CLVS1: variants seen among roughly 807,000 people sequenced by gnomAD.
The protein encoded by CLVS1 is clavesin 1, also known as clavesin-1.
In CLVS1, 10 loss-of-function variants were observed where a neutral mutation model predicts 33.1. The observed-to-expected ratio is 0.30, with a 90% CI of 0.19 to 0.51. The LOEUF is 0.51. Among genes scored for constraint, CLVS1 ranks in the 20% least tolerant of loss-of-function variants. The probability of loss-of-function intolerance (pLI) is 0.97; values close to 1 mark genes in which losing one functional copy is unlikely to be tolerated. For synonymous variants in CLVS1, 163 were observed against 166.1 expected (o/e 0.98, Z 0.14); for missense variants, 343 against 433.4 (o/e 0.79, Z 1.85).
chr8:61,222,583 CT>C (rs1266937575), intron 2 of CLVS1, among the ~76,000 whole-genome samples: 1 of 152,102 alleles, frequency 6.6e-6, no homozygotes, highest in Non-Finnish European at 1.5e-5. Context: ...GCTGAGGCGT[CT>C]TTTACTTCCA....
intron 1 of CLVS1, among the ~76,000 whole-genome samples, chr8:61,116,379 A>G (rs1254569404): frequency 6.6e-6 from 1 of 152,082 alleles, no homozygotes; most frequent in Admixed American, 6.5e-5. Flanking sequence ...GTTTAATTAG[A>G]TCCCATTTGT....
intron 1 of CLVS1, among the ~76,000 whole-genome samples, chr8:61,086,647 T>C (rs1358889310): frequency 6.6e-6 from 1 of 152,210 alleles, no homozygotes. Context: ...TACCCAAATA[T>C]AACATTTATT....
At chr8:61,237,948 C>G (rs573371138) in intron 2 of CLVS1, among the ~76,000 whole-genome samples, 35 of 152,200 alleles carry the variant, frequency 2.3e-4, no homozygotes, top group Middle Eastern at 3.4e-3. Flanking sequence ...TGGGAGAGGG[C>G]AGAACTGTGA....
chr8:61,232,023 G>GTTTGTTTGTTTGTTTGTTTT lies in CLVS1; in HGVS notation c.-151-67651_-151-67650insGTTTGTTTGTTTGTTTTTTT. 1.3e-3 allele frequency among the ~76,000 whole-genome samples: 79 copies of GTTTGTTTGTTTGTTTGTTTT among 62,650 alleles called. 9 individuals carry two copies. The highest frequency in any genetic ancestry group is 3.2e-3 in the African/African-American group (68 of 21,114). 41.1% of individuals were successfully genotyped at this position (62,650 alleles called of 152,430 possible). ...AGAAGGAGCCCTGAGGAAAGTTGTG[G>GTTTGTTTGTTTGTTTGTTTT]TTTTTTTTTTTTTTTTTTTTTTTTT... On this transcript the variant is annotated intron_variant, in intron 2 of 2. Coordinates refer to the CLVS1 transcript ENST00000522621.
chr8:61,093,405 G>A (rs535994229), intron 1 of CLVS1, among the ~76,000 whole-genome samples: 1 of 152,294 alleles, frequency 6.6e-6, no homozygotes, highest in African/African-American at 2.4e-5. Flanking sequence ...CAAGTGAGGT[G>A]AGTGTGGGGG....
At chr8:61,488,255 C>T (rs1174899493) in intron 5 of CLVS1, among the ~76,000 whole-genome samples, 1 of 152,206 alleles carries the variant, frequency 6.6e-6, no homozygotes, top group African/African-American at 2.4e-5. Flanking sequence ...AACCTATACG[C>T]ATAGAATTTT....
intron 2 of CLVS1, among the ~76,000 whole-genome samples, chr8:61,233,104 C>T (rs1808480496): frequency 6.6e-6 from 1 of 152,168 alleles, no homozygotes; most frequent in Non-Finnish European, 1.5e-5. Context: ...GGCATATGAA[C>T]ATTTGACAGT....
At chr8:61,146,314 T>A (rs545364714) in intron 2 of CLVS1, among the ~76,000 whole-genome samples, 153 of 152,356 alleles carry the variant, frequency 1.0e-3, no homozygotes, top group African/African-American at 3.5e-3. Context: ...ATATTCCAAG[T>A]TTAACCCCTA....
At chr8:61,212,158 T>C (rs187145765) in intron 2 of CLVS1, among the ~76,000 whole-genome samples, 1 of 152,214 alleles carries the variant, frequency 6.6e-6, no homozygotes, top group Non-Finnish European at 1.5e-5. Context: ...CAGAGGCTGA[T>C]AGCAGAAGCA....
intron 3 of CLVS1, among the ~76,000 whole-genome samples, chr8:61,444,720 A>G (rs1816690206): frequency 6.6e-6 from 1 of 152,100 alleles, no homozygotes; most frequent in Non-Finnish European, 1.5e-5. Flanking sequence ...AACTTGGGCA[A>G]GAGCCTTTAT....
intron 2 of CLVS1, among the ~76,000 whole-genome samples, chr8:61,199,060 C>A (rs1310014179): frequency 6.6e-6 from 1 of 152,064 alleles, no homozygotes; most frequent in Admixed American, 6.6e-5. Flanking sequence ...GTATAATGAC[C>A]TATTTTCCTT....
intron 5 of CLVS1, among the ~76,000 whole-genome samples, chr8:61,477,420 A>T (rs1323359308): frequency 6.6e-6 from 1 of 152,092 alleles, no homozygotes; most frequent in Non-Finnish European, 1.5e-5. Context: ...CTGTGAATCC[A>T]TCTGGTCCTG....
At chr8:61,436,052 T>A (rs1816318726) in intron 3 of CLVS1, among the ~76,000 whole-genome samples, 1 of 152,320 alleles carries the variant, frequency 6.6e-6, no homozygotes, top group South Asian at 2.1e-4. Context: ...TATCTACACA[T>A]TTTGCAGCCT....
At chr8:61,468,716 TAAA>T (rs5891803) in intron 5 of CLVS1, among the ~76,000 whole-genome samples, 23 of 92,472 alleles carry the variant, frequency 2.5e-4, no homozygotes, top group African/African-American at 7.7e-4. Context: ...GTAAAAGTAC[TAAA>T]AAAAAAAAAA....
chr8:61,082,956 C>T (rs1297276430), intron 1 of CLVS1, among the ~76,000 whole-genome samples: 1 of 150,220 alleles, frequency 6.7e-6, no homozygotes, highest in Non-Finnish European at 1.5e-5. Context: ...ATGCTTGAGC[C>T]TCTGGGCGAC....
intron 2 of CLVS1, among the ~76,000 whole-genome samples, chr8:61,345,774 G>T (rs376253784): frequency 2.3e-4 from 35 of 151,952 alleles, no homozygotes; most frequent in African/African-American, 7.0e-4. Flanking sequence ...GAAGAGGAAA[G>T]GTGACTGAAC....
intron 2 of CLVS1, among the ~76,000 whole-genome samples, chr8:61,240,427 T>C (rs149698361): frequency 1.3e-5 from 2 of 152,318 alleles, no homozygotes; most frequent in Non-Finnish European, 2.9e-5. Context: ...GACTCCACAA[T>C]AGCCCTCTGC....
intron 3 of CLVS1, among the ~76,000 whole-genome samples, chr8:61,430,616 T>C (rs559455239): frequency 1.8e-4 from 28 of 152,294 alleles, no homozygotes; most frequent in Middle Eastern, 3.4e-3. Context: ...GGCTGGCTCT[T>C]CTCTGGGGTC....
the CLVS1 span, among the ~76,000 whole-genome samples, chr8:61,024,839 TTTTCTTTTTTTTC>T: frequency 6.6e-6 from 1 of 152,000 alleles, no homozygotes; most frequent in Non-Finnish European, 1.5e-5. Context: ...TCTGTTTTTC[TTTTCTTTTTTTTC>T]TTTCTTTTTT....
Sources: gnomAD v4.1 joint callset for allele counts (sites outside exome capture counted in the v4.1 genomes callset) on GRCh38, gnomAD v4.1.1 for gene constraint, MANE v1.5 for transcripts, NCBI Gene and HGNC (gene_info 2026-07-23, HGNC 2026-07-21) for gene names.